The following ARHGEF26 variants were observed in gnomAD, a reference collection of about 807,000 sequenced individuals.
ARHGEF26 encodes the protein Rho guanine nucleotide exchange factor 26, also known as Rho guanine nucleotide exchange factor (GEF) 26.
In ARHGEF26, 59 loss-of-function variants were observed where a neutral mutation model predicts 89.4. The ratio of observed to expected loss-of-function variants is 0.66; its 90% confidence interval spans 0.54 to 0.82. The LOEUF (loss-of-function observed/expected upper bound fraction) is 0.82. Among genes scored for constraint, ARHGEF26 ranks in the 40% least tolerant of loss-of-function variants. The pLI is 0.00. For synonymous variants in ARHGEF26, 500 were observed against 428.4 expected (o/e 1.17, Z -2.06); for missense variants, 1,234 against 1,085.6 (o/e 1.14, Z -1.92).
intron 3 of ARHGEF26, among the ~76,000 whole-genome samples, chr3:154,124,993 C>T (rs1012307463): frequency 1.6e-4 from 23 of 145,642 alleles, no homozygotes; most frequent in African/African-American, 5.5e-4. Context: ...AAAAAAAAAG[C>T]AGCTTCAACC....
intron 12 of ARHGEF26, among the ~76,000 whole-genome samples, chr3:154,250,174 C>T (rs957372790): frequency 6.6e-6 from 1 of 152,092 alleles, no homozygotes; most frequent in Admixed American, 6.5e-5. Flanking sequence ...GGATTACAGG[C>T]GTGCACCACC....
intron 4 of ARHGEF26, among the ~76,000 whole-genome samples, chr3:154,142,432 T>A (rs970518675): frequency 6.6e-6 from 1 of 152,116 alleles, no homozygotes; most frequent in Non-Finnish European, 1.5e-5. Flanking sequence ...GTTTCTCAGA[T>A]CTCCGTACAA....
intron 10 of ARHGEF26, among the ~76,000 whole-genome samples, chr3:154,223,780 C>T (rs1015172702): frequency 6.6e-6 from 1 of 152,006 alleles, no homozygotes; most frequent in Admixed American, 6.6e-5. Flanking sequence ...GATTATTGAA[C>T]AATATTATGA....
chr3:154,168,922 G>A (rs1038841220), intron 6 of ARHGEF26, among the ~76,000 whole-genome samples: 2 of 150,912 alleles, frequency 1.3e-5, no homozygotes, highest in Non-Finnish European at 2.9e-5. Context: ...TCAGAACTAG[G>A]TTGCTATCTT....
chr3:154,254,028 G>A (rs1476861480), intron 13 of ARHGEF26, among the ~76,000 whole-genome samples: 1 of 152,150 alleles, frequency 6.6e-6, no homozygotes, highest in Non-Finnish European at 1.5e-5. Context: ...CCATTCTCCT[G>A]CCTCAGCCTC....
intron 6 of ARHGEF26, among the ~76,000 whole-genome samples, chr3:154,159,694 G>A (rs1711549546): frequency 6.6e-6 from 1 of 152,118 alleles, no homozygotes; most frequent in East Asian, 1.9e-4. Context: ...TAATAGTATA[G>A]CATATCTGCA....
intron 9 of ARHGEF26, among the ~76,000 whole-genome samples, chr3:154,217,386 G>T (rs1347753297): frequency 6.6e-6 from 1 of 151,908 alleles, no homozygotes; most frequent in East Asian, 1.9e-4. Flanking sequence ...GGGGTTGTTT[G>T]TTTTTTTCTT....
intron 9 of ARHGEF26, among the ~76,000 whole-genome samples, chr3:154,216,502 ATT>A (rs1293834056): frequency 1.8e-4 from 9 of 49,120 alleles, no homozygotes; most frequent in East Asian, 2.1e-3. Context: ...ATTTTTTTTT[ATT>A]TTTTATTTTT....
At chr3:154,123,630 C>A (rs1478307518) in intron 2 of ARHGEF26, among the ~76,000 whole-genome samples, 1 of 152,186 alleles carries the variant, frequency 6.6e-6, no homozygotes, top group African/African-American at 2.4e-5. Flanking sequence ...TCACAAAAGA[C>A]ATAAATATTT....
intron 5 of ARHGEF26, 42 bp downstream of exon 5, chr3:154,149,487 G>A (rs1719889447): frequency 2.0e-6 from 3 of 1,530,018 alleles, no homozygotes; most frequent in Non-Finnish European, 2.7e-6. Context: ...TCTGGAGTGT[G>A]CATGTCGGTG....
At chr3:154,153,333 A>G (rs2108100724) in intron 6 of ARHGEF26, among the ~76,000 whole-genome samples, 1 of 152,240 alleles carries the variant, frequency 6.6e-6, no homozygotes, top group South Asian at 2.1e-4. Flanking sequence ...CATTATATTT[A>G]AGGATTTTTG....
chr3:154,210,229 G>A (rs762844637), intron 9 of ARHGEF26, among the ~76,000 whole-genome samples: 1 of 152,070 alleles, frequency 6.6e-6, no homozygotes, highest in Non-Finnish European at 1.5e-5. Flanking sequence ...AGCCTGCTTG[G>A]TGTTCTACCT....
At chr3:154,197,745 A>C (rs1278461900) in intron 9 of ARHGEF26, among the ~76,000 whole-genome samples, 1 of 152,182 alleles carries the variant, frequency 6.6e-6, no homozygotes, top group Non-Finnish European at 1.5e-5. Context: ...CATTTCTATA[A>C]AATGAAAATG....
chr3:154,122,121 C>T lies in ARHGEF26; in HGVS notation c.129C>T (p.Pro43=). The T allele has an allele frequency of 2.5e-6, 4 of 1,607,882 alleles. No individual in the cohort carries two copies. Among genetic ancestry groups the T allele is most frequent in the Non-Finnish European group, 8.5e-7 (1 of 1,177,146 alleles). The change falls in exon 2 of 15, where the codon CCC becomes CCT. Residue 43 remains proline, a synonymous_variant. Coordinates refer to ENST00000465093, the MANE Select transcript of ARHGEF26 (RefSeq NM_015595.4). ...SKPRPQSYQS[P]NGLLITDFPV... is the part of the protein sequence containing the mutation. ...CGAGGCCCCAGTCCTACCAGAGCCCCAACGGGTTACTAATTACGGATTTCC... is the reference window on the plus strand; with the variant it reads ...CGAGGCCCCAGTCCTACCAGAGCCCTAACGGGTTACTAATTACGGATTTCC...
chr3:154,223,985 A>G, intron 10 of ARHGEF26, among the ~76,000 whole-genome samples: 1 of 152,078 alleles, frequency 6.6e-6, no homozygotes, highest in South Asian at 2.1e-4. Flanking sequence ...GAAAAAAAAA[A>G]ATGAAATGTC....
rs376491851 is a variant in ARHGEF26 at position 154,129,562 on chromosome 3, G to A, written c.1124-12G>A. 4 of 1,609,446 alleles carry A rather than the reference G, an allele frequency of 2.5e-6. No individual in the cohort carries two copies. The African/African-American group carries it at 5.3e-5, about 22-fold the overall frequency. Reference sequence around the variant, plus strand: ...GAACAATTAGTGACACATAGGCCTTGTTTTCTTGCAGAAAATGCTGTCCTG... The same window carrying A: ...GAACAATTAGTGACACATAGGCCTTATTTTCTTGCAGAAAATGCTGTCCTG... On this transcript the variant is annotated splice_polypyrimidine_tract_variant and intron_variant, in intron 3 of 14. Transcript: ENST00000465093.
intron 6 of ARHGEF26, among the ~76,000 whole-genome samples, chr3:154,177,240 T>A (rs1357152669): frequency 6.6e-6 from 1 of 152,308 alleles, no homozygotes; most frequent in East Asian, 1.9e-4. Flanking sequence ...GCCAGCAGCT[T>A]GGTTATGGTC....
intron 2 of ARHGEF26, among the ~76,000 whole-genome samples, chr3:154,123,439 G>A (rs1194162466): frequency 6.6e-6 from 1 of 152,194 alleles, no homozygotes; most frequent in Non-Finnish European, 1.5e-5. Context: ...CAGTCAAGTT[G>A]TCTGGAGTTT....
At chr3:154,187,388 T>C (rs937855536) in intron 6 of ARHGEF26, among the ~76,000 whole-genome samples, 16 of 151,098 alleles carry the variant, frequency 1.1e-4, no homozygotes, top group African/African-American at 3.6e-4. Context: ...TGATTTTTTT[T>C]TTTTTTTTTT....
Sources: gnomAD v4.1 joint callset for allele counts (sites outside exome capture counted in the v4.1 genomes callset) on GRCh38, gnomAD v4.1.1 for gene constraint, MANE v1.5 for transcripts, NCBI Gene and HGNC (gene_info 2026-07-23, HGNC 2026-07-21) for gene names.